GPC6: variants seen among roughly 807,000 people sequenced by gnomAD.
GPC6 encodes the protein glypican 6.
A neutral mutation model predicts 55.2 loss-of-function variants in GPC6; 14 were observed. The observed-to-expected ratio is 0.25, with a 90% CI of 0.17 to 0.40. The LOEUF is 0.40. GPC6 is among the 10% of genes least tolerant of loss of function. GPC6 has a pLI of 1.00. For synonymous variants in GPC6, 278 were observed against 259.6 expected, an observed-to-expected ratio of 1.07 and a Z score of -0.68; for missense variants, 641 against 708.5, an observed-to-expected ratio of 0.90 and a Z score of 1.08.
intron 2 of GPC6, among the ~76,000 whole-genome samples, chr13:93,783,793 A>G (rs1164168739): frequency 6.6e-6 from 1 of 152,078 alleles, no homozygotes; most frequent in African/African-American, 2.4e-5. Context: ...TACTGAACAT[A>G]TTTATGCTTC....
chr13:93,576,807 G>A (rs1876688841), intron 2 of GPC6, among the ~76,000 whole-genome samples: 1 of 152,102 alleles, frequency 6.6e-6, no homozygotes, highest in East Asian at 1.9e-4. Flanking sequence ...AATGTGTAAT[G>A]CATTTATCAT....
intron 1 of GPC6, among the ~76,000 whole-genome samples, chr13:93,280,979 C>T (rs888503020): frequency 6.6e-6 from 1 of 152,148 alleles, no homozygotes; most frequent in Non-Finnish European, 1.5e-5. Flanking sequence ...TGGCCCAGTT[C>T]CTAATAGGCA....
intron 2 of GPC6, among the ~76,000 whole-genome samples, chr13:93,552,363 G>A (rs1036251410): frequency 6.6e-6 from 1 of 152,122 alleles, no homozygotes; most frequent in African/African-American, 2.4e-5. Flanking sequence ...TGAAAGAGAA[G>A]ATCCTGGTAG....
chr13:93,984,730 ATTGCATCTACATG>A, intron 3 of GPC6, among the ~76,000 whole-genome samples: 1 of 152,310 alleles, frequency 6.6e-6, no homozygotes, highest in Middle Eastern at 3.4e-3. Context: ...GTATTTCTAA[ATTGCATCTACATG>A]TGCAAACTAA....
chr13:94,092,736 C>T (rs1885535492), intron 4 of GPC6, among the ~76,000 whole-genome samples: 1 of 152,142 alleles, frequency 6.6e-6, no homozygotes, highest in South Asian at 2.1e-4. Context: ...TACTATTTTG[C>T]ATTTCTACCA....
At chr13:94,243,092 T>G (rs7322001) in intron 4 of GPC6, among the ~76,000 whole-genome samples, 17,242 of 152,188 alleles carry the variant, frequency 0.11, 1,487 homozygotes, top group African/African-American at 0.24. Context: ...GAATGACATC[T>G]TTGGAAAGCC....
intron 3 of GPC6, among the ~76,000 whole-genome samples, chr13:93,845,646 T>C (rs2139004088): frequency 7.0e-6 from 1 of 143,422 alleles, no homozygotes; most frequent in East Asian, 2.1e-4. Context: ...TGGAATACTA[T>C]GCAGCCATAA....
chr13:94,315,687 T>A (rs1352916463), intron 6 of GPC6, among the ~76,000 whole-genome samples: 1 of 152,202 alleles, frequency 6.6e-6, no homozygotes, highest in Non-Finnish European at 1.5e-5. Flanking sequence ...TTTAAATTGA[T>A]AAAAATCCAT....
intron 6 of GPC6, among the ~76,000 whole-genome samples, chr13:94,307,321 C>CT (rs905169831): frequency 1.3e-4 from 19 of 149,402 alleles, no homozygotes; most frequent in African/African-American, 2.7e-4. Context: ...TATATCTATT[C>CT]TTTTTTTTTT....
chr13:93,917,477 C>G (rs1877348953), intron 3 of GPC6, among the ~76,000 whole-genome samples: 1 of 152,076 alleles, frequency 6.6e-6, no homozygotes, highest in Non-Finnish European at 1.5e-5. Flanking sequence ...CTAATATAAG[C>G]TGGTAAAGAG....
intron 1 of GPC6, among the ~76,000 whole-genome samples, chr13:93,529,803 C>A (rs1162685395): frequency 6.6e-6 from 1 of 152,144 alleles, no homozygotes; most frequent in Non-Finnish European, 1.5e-5. Context: ...GCATGAGCCA[C>A]CGCGCCTGGC....
intron 3 of GPC6, among the ~76,000 whole-genome samples, chr13:93,986,044 A>C (rs1881015936): frequency 6.6e-6 from 1 of 152,132 alleles, no homozygotes; most frequent in African/African-American, 2.4e-5. Context: ...GGATAGACAC[A>C]GATCCTCATA....
chr13:94,021,523 G>T (rs1882694802), intron 3 of GPC6, among the ~76,000 whole-genome samples: 1 of 151,860 alleles, frequency 6.6e-6, no homozygotes, highest in Non-Finnish European at 1.5e-5. Context: ...GACATACATG[G>T]CTAGCCAGGT....
chr13:94,301,492 A>G (rs563745666), intron 5 of GPC6, among the ~76,000 whole-genome samples: 27 of 152,374 alleles, frequency 1.8e-4, no homozygotes, highest in Admixed American at 1.6e-3. Flanking sequence ...TTTCTTATCT[A>G]GAAAGCAAAA....
At chr13:93,607,632 G>T (rs1878293425) in intron 2 of GPC6, among the ~76,000 whole-genome samples, 1 of 152,180 alleles carries the variant, frequency 6.6e-6, no homozygotes, top group South Asian at 2.1e-4. Flanking sequence ...AGGTAAAAAG[G>T]TTTAATGCCT....
intron 1 of GPC6, among the ~76,000 whole-genome samples, chr13:93,238,387 T>A (rs553310245): frequency 6.6e-6 from 1 of 152,286 alleles, no homozygotes; most frequent in South Asian, 2.1e-4. Context: ...TTGGTCATTA[T>A]TGGTATATAG....
chr13:93,791,127 C>T (rs74399217), intron 2 of GPC6, among the ~76,000 whole-genome samples: 1,821 of 152,200 alleles, frequency 0.012, 31 homozygotes, highest in African/African-American at 0.041. Context: ...ATTCATTCAT[C>T]GATGAATGTG....
chr13:94,169,935 G>A (rs1888502972), intron 4 of GPC6, among the ~76,000 whole-genome samples: 1 of 152,154 alleles, frequency 6.6e-6, no homozygotes, highest in Admixed American at 6.6e-5. Context: ...GAAGTTGGAT[G>A]AGAAGTGAAG....
chr13:94,325,756 C>T (rs1449692265), intron 6 of GPC6, among the ~76,000 whole-genome samples: 3 of 152,158 alleles, frequency 2.0e-5, no homozygotes, highest in African/African-American at 7.2e-5. Context: ...CTTCCCAACC[C>T]TTTTGATCCG....
Sources: gnomAD v4.1 joint callset for allele counts (sites outside exome capture counted in the v4.1 genomes callset) on GRCh38, gnomAD v4.1.1 for gene constraint, MANE v1.5 for transcripts, NCBI Gene and HGNC (gene_info 2026-07-23, HGNC 2026-07-21) for gene names.